The following EPHA7 variants were observed in gnomAD, a reference collection of about 807,000 sequenced individuals.
EPHA7 encodes the protein ephrin type-A receptor 7.
Under a neutral mutation model 112.6 loss-of-function variants are expected in EPHA7, and 25 were observed. That is an observed-to-expected ratio of 0.22 (90% CI 0.16 to 0.31). The LOEUF (loss-of-function observed/expected upper bound fraction) is 0.31. Ranked by LOEUF, EPHA7 falls within the 10% of genes least tolerant of loss-of-function variation. The pLI is 1.00. For missense variants in EPHA7, 962 were observed against 1,212.6 expected (o/e 0.79, Z 3.07); for synonymous variants, 437 against 406.5 (o/e 1.07, Z -0.90).
At chr6:93,368,019 T>C (rs1437383459) in intron 3 of EPHA7, among the ~76,000 whole-genome samples, 1 of 152,086 alleles carries the variant, frequency 6.6e-6, no homozygotes, top group Non-Finnish European at 1.5e-5. Flanking sequence ...ATTATTATTA[T>C]TTGCATACTG....
intron 3 of EPHA7, among the ~76,000 whole-genome samples, chr6:93,386,335 A>C (rs1430462083): frequency 6.6e-6 from 1 of 152,164 alleles, no homozygotes. Flanking sequence ...AATGGAAGAA[A>C]CTGGCCAAAA....
chr6:93,388,979 C>A (rs1341113220), intron 3 of EPHA7, among the ~76,000 whole-genome samples: 3 of 151,930 alleles, frequency 2.0e-5, no homozygotes. Context: ...CAAATGCACA[C>A]AAATAAATTA....
intron 5 of EPHA7, among the ~76,000 whole-genome samples, chr6:93,351,886 T>C (rs1460830014): frequency 6.6e-6 from 1 of 152,114 alleles, no homozygotes; most frequent in Middle Eastern, 3.2e-3. Context: ...AATTAAGCTA[T>C]TTGCTCAATT....
rs561847277 is a variant in EPHA7, at chr6:93,364,960, T to C, written c.833-6549A>G. ...TAGAGGAGATTTTTGATACATTTTA[T>C]AGAAATATTTGTGATTGAATTTCTG... is the stretch of plus-strand genomic sequence containing the variant. On this transcript the variant is annotated intron_variant, in intron 3 of 16. Transcript: ENST00000369303. Among the ~76,000 whole-genome samples, 11 of 152,358 alleles carry C rather than the reference T, an allele frequency of 7.2e-5. No homozygotes were observed. In the South Asian group the frequency reaches 2.1e-3, roughly 29 times the overall value.
chr6:93,310,026 T>C (rs1409594224), intron 5 of EPHA7, among the ~76,000 whole-genome samples: 1 of 152,234 alleles, frequency 6.6e-6, no homozygotes, highest in African/African-American at 2.4e-5. Flanking sequence ...ACAGTTTAAT[T>C]GCTTTATCAG....
chr6:93,299,357 G>GA (rs559349740), intron 5 of EPHA7, among the ~76,000 whole-genome samples: 109 of 136,874 alleles, frequency 8.0e-4, no homozygotes, highest in African/African-American at 2.1e-3. Context: ...ATAAAATAAA[G>GA]AAAAAAAAAA....
At chr6:93,414,883 T>C in intron 1 of EPHA7, 116 bp from the exon 2 acceptor site, 1 of 770,426 alleles carries the variant, frequency 1.3e-6, no homozygotes, top group Non-Finnish European at 2.1e-6. Flanking sequence ...GATCTGTAGT[T>C]ATTTATGTAA....
intron 5 of EPHA7, among the ~76,000 whole-genome samples, chr6:93,332,786 T>G (rs1774662833): frequency 6.6e-6 from 1 of 151,744 alleles, no homozygotes; most frequent in Non-Finnish European, 1.5e-5. Context: ...AGCAATTAAC[T>G]TGTGCAGAGT....
chr6:93,295,969 TATATC>T (rs1432833899), intron 5 of EPHA7, among the ~76,000 whole-genome samples: 8 of 151,874 alleles, frequency 5.3e-5, no homozygotes, highest in African/African-American at 1.7e-4. Context: ...TACTGGAAGT[TATATC>T]ATATTCATAT....
intron 6 of EPHA7, among the ~76,000 whole-genome samples, chr6:93,270,739 C>A (rs1027425041): frequency 6.6e-6 from 1 of 151,522 alleles, no homozygotes; most frequent in South Asian, 2.1e-4. Flanking sequence ...CTGTGATTGT[C>A]CTCATTATAA....
chr6:93,417,955 T>A (rs867228635), intron 1 of EPHA7, among the ~76,000 whole-genome samples: 1 of 151,798 alleles, frequency 6.6e-6, no homozygotes, highest in Non-Finnish European at 1.5e-5. Flanking sequence ...ACGATGAGAA[T>A]AAAGAAAAGG....
rs1297877826 is a variant in EPHA7 at position 93,338,655 on chromosome 6, C to A, written c.1324+18062G>T. Reference sequence around the variant, plus strand: ...AACAATAAAATGGTTATTTTTCATTCTTTTATTTGTTTAATGGAGGTGAGA... The same window carrying A: ...AACAATAAAATGGTTATTTTTCATTATTTTATTTGTTTAATGGAGGTGAGA... On this transcript the variant is annotated intron_variant, in intron 5 of 16. Transcript: ENST00000369303. Among the ~76,000 whole-genome samples the A allele has an allele frequency of 2.0e-5, 3 of 151,798 alleles. No individual in the cohort carries two copies. In the South Asian group the frequency reaches 6.2e-4, roughly 32 times the overall value.
chr6:93,394,435 C>T (rs778165049), intron 3 of EPHA7, among the ~76,000 whole-genome samples: 1 of 151,376 alleles, frequency 6.6e-6, no homozygotes, highest in Non-Finnish European at 1.5e-5. Flanking sequence ...TAGAAAGGTG[C>T]TTAGATTAAC....
At chr6:93,417,054 C>T (rs1024185601) in intron 1 of EPHA7, among the ~76,000 whole-genome samples, 5 of 152,198 alleles carry the variant, frequency 3.3e-5, no homozygotes, top group African/African-American at 7.2e-5. Flanking sequence ...GGAAGCATCT[C>T]CTCTGAGGAA....
At position 93,339,283 on chromosome 6, in the gene EPHA7, A is replaced by G. The variant is rs929623857; in HGVS notation, c.1324+17434T>C. Among the ~76,000 whole-genome samples the G allele has an allele frequency of 5.3e-5, 8 of 151,700 alleles. No homozygotes were observed. The Admixed American group carries it at 5.3e-4, about 10-fold the overall frequency. ...ACATTACTTGTTTAAAGAATAGTCA[A>G]CGATTTATTATTCTTTTGTAGTCCC... On this transcript the variant is annotated intron_variant, in intron 5 of 16. Transcript: ENST00000369303.
At chr6:93,277,506 G>A (rs897256643) in intron 5 of EPHA7, among the ~76,000 whole-genome samples, 3 of 151,994 alleles carry the variant, frequency 2.0e-5, no homozygotes, top group African/African-American at 7.2e-5. Context: ...ATAAGTACAG[G>A]AACTAAGGGT....
chr6:93,280,853 G>A (rs749470), intron 5 of EPHA7, among the ~76,000 whole-genome samples: 1 of 151,878 alleles, frequency 6.6e-6, no homozygotes, highest in African/African-American at 2.4e-5. Flanking sequence ...GACTTTGTTT[G>A]TATTAAAATT....
chr6:93,255,970 C>T lies in EPHA7; in HGVS notation c.2240G>A (p.Arg747Lys). Residue 747 changes from arginine (R) to lysine (K), a missense_variant, in exon 13 of 17, where the codon AGA (arginine) becomes AAA (lysine). Physicochemically the swap from Arg to Lys is conservative, Grantham distance 26 (BLOSUM62 2). This residue lies in a region of EPHA7 where 746 missense variants were observed against 889.2 expected (regional missense o/e 0.84). Coordinates refer to ENST00000369303, the MANE Select transcript of EPHA7 (RefSeq NM_004440.4). Reference sequence around the variant, plus strand: ...AACATATCCCATATCAGCCAAATATCTCATTCCAGCAGCAATTCCTCTCAG... The same window carrying T: ...AACATATCCCATATCAGCCAAATATTTCATTCCAGCAGCAATTCCTCTCAG... ...GMLRGIAAGMRYLADMGYVHR... is the reference protein window; with the variant it reads ...GMLRGIAAGMKYLADMGYVHR... 1 of 1,614,074 alleles carries T rather than the reference C, an allele frequency of 6.2e-7. No individual in the cohort carries two copies. Among genetic ancestry groups the T allele is most frequent in the Non-Finnish European group, 8.5e-7 (1 of 1,180,004 alleles).
intron 14 of EPHA7, among the ~76,000 whole-genome samples, chr6:93,248,681 A>T (rs1333512168): frequency 6.6e-6 from 1 of 151,818 alleles, no homozygotes; most frequent in Admixed American, 6.6e-5. Context: ...AAAAACAAAC[A>T]AACAAACAAA....
Sources: gnomAD v4.1 joint callset for allele counts (sites outside exome capture counted in the v4.1 genomes callset) on GRCh38, gnomAD v4.1.1 for gene constraint, gnomAD v4.1.1 regional missense constraint, MANE v1.5 for transcripts, NCBI Gene and HGNC (gene_info 2026-07-23, HGNC 2026-07-21) for gene names.